Variants in ARHGAP8 observed in about 807,000 individuals in gnomAD.
ARHGAP8 encodes the protein Rho GTPase activating protein 8.
In ARHGAP8, 62 loss-of-function variants were observed where a neutral mutation model predicts 46.1. That is an observed-to-expected ratio of 1.34 (90% CI 1.10 to 1.66). ARHGAP8 has a LOEUF of 1.66. Among genes scored for constraint, ARHGAP8 ranks in the 40% most tolerant of loss-of-function variants. ARHGAP8 has a pLI of 0.00. For synonymous variants in ARHGAP8, 375 were observed against 243.1 expected (o/e 1.54, Z -5.05); for missense variants, 923 against 568.4 (o/e 1.62, Z -6.34).
intron 11 of ARHGAP8, among the ~76,000 whole-genome samples, chr22:44,860,980 A>AGTTTAGTTTTG (rs2070452245): frequency 7.0e-6 from 1 of 141,950 alleles, no homozygotes; most frequent in African/African-American, 2.6e-5. Flanking sequence ...AATTTCTCAG[A>AGTTTAGTTTTG]GGCCCAAAAC....
chr22:44,830,879 G>A (rs1407378591), intron 7 of ARHGAP8, among the ~76,000 whole-genome samples: 1 of 152,174 alleles, frequency 6.6e-6, no homozygotes, highest in Non-Finnish European at 1.5e-5. Context: ...TAGGTGTCAA[G>A]TGTAGTTCAT....
At chr22:44,763,912 G>GA (rs1925348118) in intron 1 of ARHGAP8, among the ~76,000 whole-genome samples, 1 of 149,860 alleles carries the variant, frequency 6.7e-6, no homozygotes, top group Admixed American at 6.8e-5. Flanking sequence ...CTGGGTTCAC[G>GA]CCATTCTGCT....
intron 3 of ARHGAP8, among the ~76,000 whole-genome samples, chr22:44,805,798 A>G (rs1389023771): frequency 6.6e-6 from 1 of 152,236 alleles, no homozygotes; most frequent in African/African-American, 2.4e-5. Flanking sequence ...CCCGTACATT[A>G]TCCTCCCTAT....
intron 1 of ARHGAP8, among the ~76,000 whole-genome samples, chr22:44,762,281 C>T (rs7290526): frequency 0.054 from 8,226 of 152,044 alleles, 762 homozygotes; most frequent in African/African-American, 0.19. Context: ...CTACAAAATA[C>T]ATGAAAAAGC....
intron 2 of ARHGAP8, among the ~76,000 whole-genome samples, chr22:44,792,058 G>A (rs182533354): frequency 2.9e-4 from 44 of 150,890 alleles, no homozygotes; most frequent in African/African-American, 1.0e-3. Context: ...TGTTGCCCAG[G>A]CTGGAGTGCA....
At chr22:44,860,793 C>G (rs1036689066) in intron 11 of ARHGAP8, among the ~76,000 whole-genome samples, 1 of 152,098 alleles carries the variant, frequency 6.6e-6, no homozygotes, top group South Asian at 2.1e-4. Context: ...TGGGTCCACC[C>G]CCAACCCCCA....
chr22:44,764,357 G>C (rs5765963), intron 1 of ARHGAP8, among the ~76,000 whole-genome samples: 18,887 of 152,276 alleles, frequency 0.12, 1,696 homozygotes, highest in South Asian at 0.35. Context: ...AGGAAGAGGA[G>C]AGGGGTCCCA....
chr22:44,854,316 AACTTCT>A, intron 10 of ARHGAP8, among the ~76,000 whole-genome samples: 2 of 148,604 alleles, frequency 1.3e-5, no homozygotes, highest in African/African-American at 5.0e-5. Context: ...GGCTCATTAC[AACTTCT>A]GCCTCCTGGG....
At chr22:44,752,939 CCT>C (rs1045565170) in intron 1 of ARHGAP8, among the ~76,000 whole-genome samples, 1 of 151,972 alleles carries the variant, frequency 6.6e-6, no homozygotes, top group Non-Finnish European at 1.5e-5. Context: ...CCCGCCCTCG[CCT>C]CTCTCAGCCT....
At chr22:44,812,523 A>C (rs1180265232) in intron 4 of ARHGAP8, among the ~76,000 whole-genome samples, 1 of 151,396 alleles carries the variant, frequency 6.6e-6, no homozygotes, top group Non-Finnish European at 1.5e-5. Context: ...CGCCCGGCTA[A>C]TTTTTGTATT....
intron 10 of ARHGAP8, chr22:44,850,536 T>C (rs1222333631): frequency 1.1e-4 from 16 of 152,234 alleles, no homozygotes; most frequent in Admixed American, 1.0e-3. Context: ...AGAGGGATGA[T>C]GACTCCAGCC....
At chr22:44,847,037 G>C (rs780510060) in intron 8 of ARHGAP8, among the ~76,000 whole-genome samples, 1 of 152,286 alleles carries the variant, frequency 6.6e-6, no homozygotes, top group Non-Finnish European at 1.5e-5. Context: ...GCGGGGCTTC[G>C]AGGAAGTTGG....
intron 5 of ARHGAP8, 77 bp from the exon 6 acceptor site, chr22:44,822,294 C>G: frequency 7.9e-7 from 1 of 1,269,382 alleles, no homozygotes; most frequent in Non-Finnish European, 1.1e-6. Flanking sequence ...GCCGCCAACT[C>G]CCCCTCCCTC....
At chr22:44,799,493 G>A (rs1202951178) in intron 2 of ARHGAP8, among the ~76,000 whole-genome samples, 2 of 152,176 alleles carry the variant, frequency 1.3e-5, no homozygotes, top group Non-Finnish European at 2.9e-5. Flanking sequence ...CAGGCAGGAG[G>A]ATGCCCTTGA....
chr22:44,812,452 G>C (rs1929405876), intron 4 of ARHGAP8, among the ~76,000 whole-genome samples: 1 of 151,534 alleles, frequency 6.6e-6, no homozygotes, highest in African/African-American at 2.4e-5. Flanking sequence ...TGCCTCCTGG[G>C]TTCAAGTGAT....
chr22:44,808,039 G>C lies in ARHGAP8; in HGVS notation c.168-268G>C, dbSNP rs959170014. ...ATAAGGTCACATTCTCAGGCTCCAC[G>C]GATTTGATATGGATGTCTTTCCACG... is the stretch of plus-strand genomic sequence containing the variant. On this transcript the variant is annotated intron_variant, in intron 3 of 11. Transcript: ENST00000356099. Among the ~76,000 whole-genome samples the C allele has an allele frequency of 1.6e-4, 24 of 152,290 alleles. 1 individual carries two copies. In the East Asian group the frequency reaches 2.5e-3, roughly 16 times the overall value.
chr22:44,859,674 A>C lies in ARHGAP8; in HGVS notation c.878-57A>C, dbSNP rs749171363. On this transcript the variant is annotated intron_variant, in intron 10 of 11. Transcript: ENST00000356099. ...ACCCCTGTTCTCCTCCCGGGCCGGGATGCAGCGCTGCCCCTGGCCCCTCTG... is the reference window on the plus strand; with the variant it reads ...ACCCCTGTTCTCCTCCCGGGCCGGGCTGCAGCGCTGCCCCTGGCCCCTCTG... 2.5e-6 allele frequency: 4 copies of C among 1,587,928 alleles called. No individual in the cohort carries two copies. The African/African-American group carries it at 4.0e-5, about 16-fold the overall frequency.
At chr22:44,858,513 G>C (rs951652398) in intron 10 of ARHGAP8, among the ~76,000 whole-genome samples, 8 of 140,812 alleles carry the variant, frequency 5.7e-5, no homozygotes, top group African/African-American at 1.9e-4. Flanking sequence ...GGGATTACAG[G>C]TGTGTGCCAC....
chr22:44,862,512 G>A lies in ARHGAP8; in HGVS notation c.1219G>A (p.Ala407Thr), dbSNP rs752627982. ...QGSRAAPLQE[A>T]VPRTQATGLT... ...GAGCAGGGCAGCCCCTTTGCAGGAGGCTGTGCCACGGACACAAGCCACGGG... is the reference window on the plus strand; with the variant it reads ...GAGCAGGGCAGCCCCTTTGCAGGAGACTGTGCCACGGACACAAGCCACGGG... Residue 407 changes from alanine to threonine, a missense_variant, in exon 12 of 12, where the codon GCT becomes ACT. Ala to Thr is a moderately conservative substitution (Grantham distance 58, BLOSUM62 0). Coordinates refer to ENST00000356099, the MANE Select transcript of ARHGAP8 (RefSeq NM_181335.3). 10 of 1,612,850 alleles carry A rather than the reference G, an allele frequency of 6.2e-6. No homozygotes were observed. Among genetic ancestry groups the A allele is most frequent in the South Asian group, 1.1e-5 (1 of 91,030 alleles).
Sources: allele counts gnomAD v4.1 joint callset (sites outside exome capture counted in the v4.1 genomes callset), GRCh38; gene constraint gnomAD v4.1.1; transcripts MANE v1.5; gene names NCBI Gene and HGNC (gene_info 2026-07-23, HGNC 2026-07-21).